RIN2: variants seen among roughly 807,000 people sequenced by gnomAD.
RIN2 encodes RAB5 interacting protein 2.
A neutral mutation model predicts 78.0 loss-of-function variants in RIN2; 36 were observed. The ratio of observed to expected loss-of-function variants is 0.46; its 90% CI spans 0.35 to 0.61. RIN2 has a LOEUF of 0.61. RIN2 is among the 20% of genes least tolerant of loss of function. The probability of loss-of-function intolerance (pLI) is 0.00; values close to 1 mark genes in which losing one functional copy is unlikely to be tolerated. For synonymous variants in RIN2, 466 were observed against 466.8 expected, an observed-to-expected ratio of 1.00 and a Z score of 0.02; for missense variants, 1,087 against 1,159.7, an observed-to-expected ratio of 0.94 and a Z score of 0.91.
At chr20:19,993,479 C>T (rs2042860376) in intron 11 of RIN2, among the ~76,000 whole-genome samples, 1 of 152,060 alleles carries the variant, frequency 6.6e-6, no homozygotes, top group African/African-American at 2.4e-5. Flanking sequence ...GAGGGACCGC[C>T]CTCCTTGGAG....
At chr20:19,823,157 T>C (rs1294520969) in intron 2 of RIN2, among the ~76,000 whole-genome samples, 1 of 152,158 alleles carries the variant, frequency 6.6e-6, no homozygotes, top group East Asian at 1.9e-4. Flanking sequence ...GGATGGCCCT[T>C]CCCTGGTTTA....
At chr20:19,930,886 CCA>C (rs1292226654) in intron 3 of RIN2, among the ~76,000 whole-genome samples, 3 of 152,192 alleles carry the variant, frequency 2.0e-5, no homozygotes, top group African/African-American at 7.2e-5. Context: ...ATACAGAAAA[CCA>C]CACACCATAT....
At chr20:19,843,099 A>T (rs1018238590) in intron 2 of RIN2, among the ~76,000 whole-genome samples, 21 of 152,234 alleles carry the variant, frequency 1.4e-4, no homozygotes, top group African/African-American at 5.1e-4. Context: ...CCATGATAAA[A>T]TTCAAATGAA....
intron 4 of RIN2, among the ~76,000 whole-genome samples, chr20:19,940,779 C>T (rs2040839130): frequency 6.6e-6 from 1 of 152,236 alleles, no homozygotes. Context: ...TGGGTAGGCT[C>T]ACCAGGCCTG....
Position 19,975,805 on chromosome 20 carries a change from T to A in RIN2, c.1762+18T>A. The A allele has an allele frequency of 6.3e-7, 1 of 1,575,372 alleles. No homozygotes were observed. ...CCAAATAGGTAAGTACCCTCTTTTT[T>A]AAAATATAAAATCTATTGTAACTCT... is the stretch of plus-strand genomic sequence containing the variant. On this transcript the variant is annotated intron_variant, in intron 9 of 12. Transcript: ENST00000255006. The surrounding 1 kb of genome is among the most constrained non-coding windows in gnomAD (Gnocchi z 4.9).
chr20:19,816,438 T>G (rs1226121833), intron 2 of RIN2, among the ~76,000 whole-genome samples: 3 of 152,196 alleles, frequency 2.0e-5, no homozygotes, highest in African/African-American at 7.2e-5. Flanking sequence ...TCTATAAGTT[T>G]AAGGAATTGG....
intron 4 of RIN2, among the ~76,000 whole-genome samples, chr20:19,936,164 C>T (rs2040635415): frequency 6.6e-6 from 1 of 152,238 alleles, no homozygotes; most frequent in Non-Finnish European, 1.5e-5. Flanking sequence ...CCCGATGTCT[C>T]TGGGGGAACA....
chr20:19,814,472 C>G (rs1028166632), intron 2 of RIN2, among the ~76,000 whole-genome samples: 2 of 151,260 alleles, frequency 1.3e-5, no homozygotes, highest in South Asian at 2.1e-4. Context: ...TGTCTAACAT[C>G]ATCACTGATT....
intron 2 of RIN2, among the ~76,000 whole-genome samples, chr20:19,861,043 T>G (rs1234533739): frequency 6.6e-6 from 1 of 152,210 alleles, no homozygotes; most frequent in Non-Finnish European, 1.5e-5. Flanking sequence ...CAGCCAGTCT[T>G]TCCTTGTTAA....
intron 4 of RIN2, among the ~76,000 whole-genome samples, chr20:19,955,782 A>T (rs1041765908): frequency 2.0e-5 from 3 of 152,242 alleles, no homozygotes; most frequent in Non-Finnish European, 4.4e-5. Context: ...AGTAATAAAA[A>T]TGCTTAGATT....
At chr20:19,959,254 C>T (rs2041659442) in intron 5 of RIN2, among the ~76,000 whole-genome samples, 1 of 152,156 alleles carries the variant, frequency 6.6e-6, no homozygotes, top group South Asian at 2.1e-4. Context: ...CGTAAGGCTG[C>T]AGTCCTCCAA....
chr20:19,857,798 C>A (rs1222495591), intron 2 of RIN2, among the ~76,000 whole-genome samples: 1 of 152,030 alleles, frequency 6.6e-6, no homozygotes, highest in African/African-American at 2.4e-5. Flanking sequence ...CCAGTCTGGG[C>A]AACAAAGTGA....
chr20:19,829,162 G>C (rs994321477), intron 2 of RIN2, among the ~76,000 whole-genome samples: 2 of 152,150 alleles, frequency 1.3e-5, no homozygotes, highest in African/African-American at 4.8e-5. Context: ...GGTTCATGGA[G>C]GTTCTGATTG....
intron 5 of RIN2, among the ~76,000 whole-genome samples, chr20:19,958,933 AAGG>A (rs1295633045): frequency 4.6e-5 from 7 of 152,172 alleles, no homozygotes; most frequent in Non-Finnish European, 8.8e-5. Context: ...GTGTGTGAAA[AAGG>A]AGGATTTGAG....
At chr20:19,784,248 G>C (rs925463918) in intron 1 of RIN2, among the ~76,000 whole-genome samples, 2 of 152,288 alleles carry the variant, frequency 1.3e-5, no homozygotes, top group East Asian at 3.9e-4. Context: ...GCTTGTTTTG[G>C]TGATGGCTGA....
intron 9 of RIN2, among the ~76,000 whole-genome samples, chr20:19,980,044 C>CGAAAA (rs2042396415): frequency 1.4e-5 from 1 of 72,704 alleles, no homozygotes; most frequent in Non-Finnish European, 2.6e-5. Context: ...AACTCCATCT[C>CGAAAA]AAAAAAAAAA....
At chr20:19,857,292 G>A (rs1185920147) in intron 2 of RIN2, among the ~76,000 whole-genome samples, 1 of 152,056 alleles carries the variant, frequency 6.6e-6, no homozygotes, top group Non-Finnish European at 1.5e-5. Context: ...CATCCACGTT[G>A]CTTCATATAT....
chr20:19,864,721 G>T (rs2037446892), intron 2 of RIN2, among the ~76,000 whole-genome samples: 1 of 152,200 alleles, frequency 6.6e-6, no homozygotes, highest in South Asian at 2.1e-4. Flanking sequence ...TATGTAATCA[G>T]TCTAAAGAAA....
intron 7 of RIN2, 31 bp downstream of exon 7, chr20:19,965,055 G>T: frequency 6.4e-7 from 1 of 1,560,190 alleles, no homozygotes. Context: ...ATGGTTTCAA[G>T]GCCCTGTTTG....
Sources: allele counts gnomAD v4.1 joint callset (sites outside exome capture counted in the v4.1 genomes callset), GRCh38; gene constraint gnomAD v4.1.1; non-coding constraint Gnocchi (gnomAD v3.1); transcripts MANE v1.5; gene names NCBI Gene and HGNC (gene_info 2026-07-23, HGNC 2026-07-21).